The following PAN3 variants were observed in gnomAD, a reference collection of about 807,000 sequenced individuals.
PAN3 encodes the protein poly(A) specific ribonuclease subunit PAN3, also known as PAN2-PAN3 deadenylation complex subunit PAN3.
In PAN3, 19 loss-of-function variants were observed where a neutral mutation model predicts 96.2. The observed-to-expected ratio is 0.20, with a 90% CI of 0.14 to 0.29. The LOEUF (loss-of-function observed/expected upper bound fraction) is 0.29, where lower values mean the gene tolerates loss of function less well. Among genes scored for constraint, PAN3 ranks in the 10% least tolerant of loss-of-function variants. The pLI is 1.00. For missense variants in PAN3, 882 were observed against 1,108.1 expected, an observed-to-expected ratio of 0.80 and a Z score of 2.90; for synonymous variants, 433 against 406.6, an observed-to-expected ratio of 1.06 and a Z score of -0.78.
At chr13:28,212,305 C>G (rs1425597360) in intron 5 of PAN3, among the ~76,000 whole-genome samples, 1 of 152,146 alleles carries the variant, frequency 6.6e-6, no homozygotes, top group Non-Finnish European at 1.5e-5. Context: ...TTCCCTGGTT[C>G]CTCCTGACAA....
At position 28,234,209 on chromosome 13, in the gene PAN3, T is replaced by C. The variant is rs747639515; in HGVS notation, c.1000+13831T>C. ...TTCCATGTGGGTTTTGTTGTTGTTATTTTAAGAGGCAGGGTCTTGCTCTCT... is the reference window on the plus strand; with the variant it reads ...TTCCATGTGGGTTTTGTTGTTGTTACTTTAAGAGGCAGGGTCTTGCTCTCT... On this transcript the variant is annotated intron_variant, in intron 6 of 18. Transcript: ENST00000380958. Among the ~76,000 whole-genome samples the C allele has an allele frequency of 8.5e-5, 13 of 152,148 alleles. 1 individual carries two copies. Among genetic ancestry groups the C allele is most frequent in the South Asian group, 2.1e-4 (1 of 4,828 alleles).
chr13:28,290,411 G>A (rs1200739156), intron 18 of PAN3, among the ~76,000 whole-genome samples: 1 of 152,258 alleles, frequency 6.6e-6, no homozygotes, highest in South Asian at 2.1e-4. Context: ...GCCAGGCTCG[G>A]TGTCTCACGC....
At chr13:28,162,476 C>T (rs191385210) in intron 1 of PAN3, among the ~76,000 whole-genome samples, 2 of 151,892 alleles carry the variant, frequency 1.3e-5, no homozygotes, top group South Asian at 2.1e-4. Context: ...CATGAGCTCA[C>T]GAGTTTGAGA....
intron 5 of PAN3, among the ~76,000 whole-genome samples, chr13:28,204,812 A>AGACTTTT (rs1313016738): frequency 6.6e-6 from 1 of 152,216 alleles, no homozygotes; most frequent in Non-Finnish European, 1.5e-5. Flanking sequence ...ATTTTGTCTC[A>AGACTTTT]GACTTTTGAA....
intron 3 of PAN3, among the ~76,000 whole-genome samples, 200 bp downstream of exon 3, chr13:28,176,759 C>CT (rs1875063751): frequency 6.6e-6 from 1 of 151,714 alleles, no homozygotes; most frequent in Non-Finnish European, 1.5e-5. Flanking sequence ...GTAATCCCAG[C>CT]ACTTTGGGAG....
intron 6 of PAN3, among the ~76,000 whole-genome samples, chr13:28,221,456 TAGTA>T (rs1881403544): frequency 6.6e-6 from 1 of 152,288 alleles, no homozygotes; most frequent in Middle Eastern, 3.4e-3. Context: ...TTAATCTAAT[TAGTA>T]AGTAAATCGT....
At chr13:28,177,494 C>T (rs934856875) in intron 3 of PAN3, among the ~76,000 whole-genome samples, 1 of 151,940 alleles carries the variant, frequency 6.6e-6, no homozygotes, top group Non-Finnish European at 1.5e-5. Context: ...CCACCCCTCA[C>T]CCTCCTTTTT....
intron 1 of PAN3, among the ~76,000 whole-genome samples, chr13:28,170,484 G>T (rs1450819884): frequency 6.6e-6 from 1 of 152,118 alleles, no homozygotes; most frequent in Non-Finnish European, 1.5e-5. Flanking sequence ...TTCAATAATT[G>T]TTCTATTGGC....
At chr13:28,239,526 G>A in intron 6 of PAN3, 1 of 1,060,666 alleles carries the variant, frequency 9.4e-7, no homozygotes, top group African/African-American at 1.7e-5. Flanking sequence ...CTTGGGTGTT[G>A]AAAGAGCTTA....
chr13:28,185,356 T>A (rs1324074587), intron 4 of PAN3, among the ~76,000 whole-genome samples: 2 of 152,114 alleles, frequency 1.3e-5, no homozygotes, highest in Non-Finnish European at 2.9e-5. Context: ...AAGTAAAGAG[T>A]ATTCGTGGTT....
intron 1 of PAN3, among the ~76,000 whole-genome samples, chr13:28,148,332 G>A (rs1478806990): frequency 7.9e-5 from 12 of 151,978 alleles, no homozygotes; most frequent in Non-Finnish European, 1.8e-4. Flanking sequence ...GCCCAGGCTG[G>A]AGTACTGTGG....
chr13:28,179,707 C>CA (rs749443652), intron 4 of PAN3, among the ~76,000 whole-genome samples: 14,200 of 81,042 alleles, frequency 0.18, 819 homozygotes, highest in African/African-American at 0.27. Context: ...CTGTCTCAGA[C>CA]AAAAAAAAAA....
At chr13:28,225,981 A>G (rs1043372810) in intron 6 of PAN3, among the ~76,000 whole-genome samples, 13 of 152,206 alleles carry the variant, frequency 8.5e-5, no homozygotes, top group African/African-American at 2.2e-4. Context: ...AGATATGTCT[A>G]CCTAGCTATA....
intron 5 of PAN3, among the ~76,000 whole-genome samples, chr13:28,203,099 A>T (rs1022935965): frequency 6.6e-6 from 1 of 151,530 alleles, no homozygotes; most frequent in Non-Finnish European, 1.5e-5. Context: ...AGTAGCTGGG[A>T]CCACAGGTGT....
chr13:28,208,465 G>T lies in PAN3; in HGVS notation c.852+11119G>T, dbSNP rs116290090. 4.1e-3 allele frequency among the ~76,000 whole-genome samples: 624 copies of T among 152,228 alleles called. 6 individuals carry two copies. Among genetic ancestry groups the T allele is most frequent in the African/African-American group, 0.014 (596 of 41,552 alleles). ...GCACTTTTACATGTAAATAACTTCA[G>T]ATTCTTTTAAGTACAGGTTCAGTAT... On this transcript the variant is annotated intron_variant, in intron 5 of 18. Transcript: ENST00000380958.
chr13:28,209,292 A>G (rs1346545169), intron 5 of PAN3, among the ~76,000 whole-genome samples: 1 of 152,232 alleles, frequency 6.6e-6, no homozygotes, highest in Non-Finnish European at 1.5e-5. Flanking sequence ...TAGCCAGGTT[A>G]CCACCCACAG....
intron 1 of PAN3, among the ~76,000 whole-genome samples, chr13:28,162,993 C>T (rs991283086): frequency 2.0e-5 from 3 of 151,962 alleles, no homozygotes; most frequent in Non-Finnish European, 4.4e-5. Context: ...CAGTGGCTTA[C>T]ACCTGTAAAC....
At chr13:28,287,057 T>G (rs1476535341) in intron 17 of PAN3, among the ~76,000 whole-genome samples, 5 of 152,180 alleles carry the variant, frequency 3.3e-5, no homozygotes, top group African/African-American at 1.2e-4. Context: ...TTCTGTCGTC[T>G]TTTCTTCTCT....
At chr13:28,229,748 G>T (rs7989478) in intron 6 of PAN3, among the ~76,000 whole-genome samples, 4 of 152,058 alleles carry the variant, frequency 2.6e-5, no homozygotes, top group Non-Finnish European at 5.9e-5. Context: ...TGTGCTGTTT[G>T]TGACAGTGAT....
Sources: allele counts gnomAD v4.1 joint callset (sites outside exome capture counted in the v4.1 genomes callset), GRCh38; gene constraint gnomAD v4.1.1; transcripts MANE v1.5; gene names NCBI Gene and HGNC (gene_info 2026-07-23, HGNC 2026-07-21).